The following CWF19L2 variants were observed in gnomAD, a reference collection of about 807,000 sequenced individuals.
CWF19L2 encodes CWF19 like cell cycle control factor 2.
Under a neutral mutation model 111.7 loss-of-function variants are expected in CWF19L2, and 98 were observed. That is an observed-to-expected ratio of 0.88 (90% CI 0.75 to 1.04). The LOEUF (loss-of-function observed/expected upper bound fraction) is 1.04. Ranked by LOEUF, CWF19L2 falls within the 50% of genes least tolerant of loss-of-function variation. The pLI is 0.00. For missense variants in CWF19L2, 1,101 were observed against 1,051.4 expected (o/e 1.05, Z -0.65); for synonymous variants, 351 against 342.9 (o/e 1.02, Z -0.26).
rs749601799 is a variant in CWF19L2 at position 107,392,853 on chromosome 11, A to G, written c.1660T>C (p.Ser554Pro). ...QEVILVRTDQSGRVWPVNTPG... is the reference protein window; with the variant it reads ...QEVILVRTDQPGRVWPVNTPG... ...GTGTTCACAGGCCATACTCTTCCAGACTGATCTGTTCTGACAAGGATTACT... is the reference window on the plus strand; with the variant it reads ...GTGTTCACAGGCCATACTCTTCCAGGCTGATCTGTTCTGACAAGGATTACT... The change falls in exon 11 of 18, where the codon TCT becomes CCT. Residue 554 changes from serine to proline, a missense_variant. Ser to Pro is a moderately conservative substitution (Grantham distance 74). Transcript: ENST00000282251. 31 of 1,587,960 alleles carry G rather than the reference A, an allele frequency of 2.0e-5. No homozygotes were observed. In the Middle Eastern group the frequency reaches 8.3e-4, roughly 43 times the overall value.
At chr11:107,404,644 A>T in intron 10 of CWF19L2, 1 of 492,072 alleles carries the variant, frequency 2.0e-6, no homozygotes, top group Non-Finnish European at 3.8e-6. Flanking sequence ...CGCTTACCCC[A>T]ACAGATACTT....
intron 14 of CWF19L2, among the ~76,000 whole-genome samples, chr11:107,337,130 A>G (rs1413197553): frequency 1.3e-5 from 2 of 152,304 alleles, no homozygotes; most frequent in East Asian, 1.9e-4. Context: ...TTCACTTCCA[A>G]TTGTTTTCCT....
In CWF19L2 at chr11:107,422,482, T is replaced by A. The variant is rs11212220; in HGVS notation, c.1434-4195A>T. Reference sequence around the variant, plus strand: ...GAGATTATAAAAGGGCACAAAGGCTTTCAGGGGGGTGATGGTTTAATGAGA... The same window carrying A: ...GAGATTATAAAAGGGCACAAAGGCTATCAGGGGGGTGATGGTTTAATGAGA... On this transcript the variant is annotated intron_variant, in intron 8 of 17. Transcript: ENST00000282251. Among the ~76,000 whole-genome samples, 660 of 152,014 alleles carry A rather than the reference T, an allele frequency of 4.3e-3. 3 individuals are homozygous for A. Among genetic ancestry groups the A allele is most frequent in the African/African-American group, 0.014 (587 of 41,490 alleles).
intron 12 of CWF19L2, among the ~76,000 whole-genome samples, chr11:107,362,475 C>G (rs1388632887): frequency 1.3e-5 from 2 of 152,138 alleles, no homozygotes; most frequent in East Asian, 1.9e-4. Flanking sequence ...AGCTGGAGAT[C>G]TGAATACGGG....
rs747459469 is a variant in CWF19L2 at position 107,348,931 on chromosome 11, G to A, written c.2202+6C>T. The A allele has an allele frequency of 2.6e-6, 4 of 1,515,782 alleles. No homozygotes were observed. Among genetic ancestry groups the A allele is most frequent in the Non-Finnish European group, 3.6e-6 (4 of 1,102,734 alleles). 93.9% of individuals were successfully genotyped at this position (1,515,782 alleles called of 1,614,324 possible). ...TAAAATGATAATGAACATTTATTAT[G>A]CTGACCTGGATCTCCTCCCAGATGT... On this transcript the variant is annotated splice_donor_region_variant and intron_variant, in intron 14 of 17. Transcript: ENST00000282251.
At chr11:107,401,299 T>C (rs1352674497) in intron 10 of CWF19L2, among the ~76,000 whole-genome samples, 2 of 152,150 alleles carry the variant, frequency 1.3e-5, no homozygotes, top group African/African-American at 2.4e-5. Flanking sequence ...GACGATATGA[T>C]TGTTTACCTT....
intron 3 of CWF19L2, among the ~76,000 whole-genome samples, chr11:107,453,680 G>A (rs1861812433): frequency 1.3e-5 from 2 of 151,576 alleles, no homozygotes; most frequent in African/African-American, 4.9e-5. Flanking sequence ...TTGCGCCTTA[G>A]GTACCAGCTC....
chr11:107,388,324 A>G (rs779276468), intron 12 of CWF19L2, among the ~76,000 whole-genome samples: 12 of 152,200 alleles, frequency 7.9e-5, no homozygotes, highest in Non-Finnish European at 1.5e-4. Flanking sequence ...TCCCCCAACT[A>G]AAATGGTATC....
At chr11:107,383,245 T>A (rs1860718307) in intron 12 of CWF19L2, among the ~76,000 whole-genome samples, 1 of 152,052 alleles carries the variant, frequency 6.6e-6, no homozygotes, top group Non-Finnish European at 1.5e-5. Flanking sequence ...CTGGTACCAG[T>A]CTGGGCATCT....
chr11:107,332,464 C>T (rs1207213055), intron 16 of CWF19L2, among the ~76,000 whole-genome samples: 1 of 151,034 alleles, frequency 6.6e-6, no homozygotes, highest in South Asian at 2.1e-4. Context: ...TACCTTCATA[C>T]AGCAAAGAAA....
chr11:107,401,881 G>C (rs1358377213), intron 10 of CWF19L2, among the ~76,000 whole-genome samples: 1 of 152,106 alleles, frequency 6.6e-6, no homozygotes, highest in African/African-American at 2.4e-5. Context: ...TATAAAAATA[G>C]GCATATGGAC....
intron 10 of CWF19L2, among the ~76,000 whole-genome samples, chr11:107,407,766 A>C (rs1043450189): frequency 6.6e-6 from 1 of 152,012 alleles, no homozygotes; most frequent in Admixed American, 6.6e-5. Context: ...ATAAATATAT[A>C]ATCATAACTA....
At chr11:107,454,310 G>A (rs1861821542) in intron 3 of CWF19L2, 140 bp downstream of exon 3, 1 of 586,216 alleles carries the variant, frequency 1.7e-6, no homozygotes, top group African/African-American at 1.9e-5. Context: ...ACATCTCTAA[G>A]TAGATGTATC....
chr11:107,373,136 C>T lies in CWF19L2; in HGVS notation c.1872+16938G>A, dbSNP rs1017408384. 6.7e-5 allele frequency among the ~76,000 whole-genome samples: 3 copies of T among 44,764 alleles called. 1 individual carries two copies. Among genetic ancestry groups the T allele is most frequent in the Admixed American group, 1.5e-4 (1 of 6,696 alleles). 29.4% of individuals were successfully genotyped at this position (44,764 alleles called of 152,430 possible). A position where few individuals can be genotyped will look rare whatever the true frequency, so the allele number is the denominator to read the frequency against. On this transcript the variant is annotated intron_variant, in intron 12 of 17. Coordinates refer to ENST00000282251, the MANE Select transcript of CWF19L2 (RefSeq NM_152434.3). ...GGAGGGTCCTACGCCCACGGAGTCTCGCTGATTGCTACCACAGCAGCTGAG... is the reference window on the plus strand; with the variant it reads ...GGAGGGTCCTACGCCCACGGAGTCTTGCTGATTGCTACCACAGCAGCTGAG...
intron 12 of CWF19L2, among the ~76,000 whole-genome samples, chr11:107,378,050 A>G (rs1210594923): frequency 6.6e-6 from 1 of 151,630 alleles, no homozygotes; most frequent in Non-Finnish European, 1.5e-5. Flanking sequence ...AGAAATGCAA[A>G]TCAAAACCAC....
chr11:107,345,301 G>C (rs904010746), intron 14 of CWF19L2: 1 of 257,032 alleles, frequency 3.9e-6, no homozygotes, highest in Non-Finnish European at 7.7e-6. Flanking sequence ...AAACAAAATC[G>C]TTAACAGAGT....
intron 12 of CWF19L2, among the ~76,000 whole-genome samples, chr11:107,358,264 G>A (rs1195544143): frequency 1.3e-5 from 2 of 151,610 alleles, no homozygotes; most frequent in Non-Finnish European, 2.9e-5. Context: ...CAATCTTTTG[G>A]CTTCCCTGGG....
intron 10 of CWF19L2, among the ~76,000 whole-genome samples, chr11:107,395,058 C>G (rs942446556): frequency 1.3e-5 from 2 of 152,120 alleles, no homozygotes; most frequent in African/African-American, 4.8e-5. Flanking sequence ...ATATGGTTTG[C>G]CTCCATGTCC....
chr11:107,403,254 A>T (rs1375771012), intron 10 of CWF19L2: 5 of 361,402 alleles, frequency 1.4e-5, no homozygotes, highest in Non-Finnish European at 2.5e-5. Context: ...AATTAAAATT[A>T]AAAAAAACTG....
Sources: allele counts gnomAD v4.1 joint callset (sites outside exome capture counted in the v4.1 genomes callset), GRCh38; gene constraint gnomAD v4.1.1; transcripts MANE v1.5; gene names NCBI Gene and HGNC (gene_info 2026-07-23, HGNC 2026-07-21).